The following DOCK4 variants were observed in gnomAD, a reference collection of about 807,000 sequenced individuals.
The protein encoded by DOCK4 is dedicator of cytokinesis 4.
DOCK4 carries 97 observed loss-of-function variants against 268.1 expected under a neutral mutation model. The observed-to-expected ratio is 0.36, with a 90% CI of 0.31 to 0.43. The LOEUF is 0.43. DOCK4 is among the 20% of genes least tolerant of loss of function. The pLI, the probability that DOCK4 is intolerant of heterozygous loss-of-function variation, is 1.00. For missense variants in DOCK4, 2,145 were observed against 2,455.7 expected, an observed-to-expected ratio of 0.87 and a Z score of 2.67; for synonymous variants, 954 against 887.2, an observed-to-expected ratio of 1.08 and a Z score of -1.34.
chr7:111,815,352 G>A (rs1801460869), intron 27 of DOCK4, among the ~76,000 whole-genome samples: 1 of 152,068 alleles, frequency 6.6e-6, no homozygotes, highest in Admixed American at 6.6e-5. Context: ...TAACACACAG[G>A]TCTCTAAGCT....
chr7:111,813,128 A>G (rs1250978695), intron 27 of DOCK4, among the ~76,000 whole-genome samples: 2 of 152,234 alleles, frequency 1.3e-5, no homozygotes, highest in Non-Finnish European at 2.9e-5. Context: ...CTGAGGATCA[A>G]TATATAAATT....
chr7:111,804,820 G>A (rs1431108272), intron 30 of DOCK4, among the ~76,000 whole-genome samples: 2 of 151,928 alleles, frequency 1.3e-5, no homozygotes, highest in East Asian at 1.9e-4. Flanking sequence ...GGCTGGTCTC[G>A]AACTCCTGAC....
chr7:111,859,631 G>C (rs1321086856), intron 23 of DOCK4, among the ~76,000 whole-genome samples: 1 of 146,076 alleles, frequency 6.8e-6, no homozygotes, highest in Non-Finnish European at 1.5e-5. Context: ...GCAGTGGCGG[G>C]ATCTCGGCTC....
chr7:111,921,961 G>C (rs17159007), intron 12 of DOCK4, among the ~76,000 whole-genome samples: 1 of 152,124 alleles, frequency 6.6e-6, no homozygotes, highest in African/African-American at 2.4e-5. Flanking sequence ...TTCTATAAAG[G>C]TTTCAAAGGC....
At position 111,790,438 on chromosome 7, in the gene DOCK4, G is replaced by A. The variant is rs1286116500; in HGVS notation, c.3315+19C>T. On this transcript the variant is annotated intron_variant, in intron 31 of 52. Coordinates refer to ENST00000428084, the MANE Select transcript of DOCK4 (RefSeq NM_001363540.2). The stretch of plus-strand genomic sequence containing the variant: ...GAGCTGAAACTCTTCCAACTCTTCT[G>A]AGGAGCACTTCTGCCTACCTGTTTA... 6.2e-7 allele frequency: 1 copy of A among 1,611,918 alleles called. No individual in the cohort carries two copies. The highest frequency in any genetic ancestry group is 1.1e-5 in the South Asian group (1 of 90,688).
chr7:112,129,759 T>C lies in DOCK4; in HGVS notation c.37+76343A>G, dbSNP rs989056910. Among the ~76,000 whole-genome samples, 6 of 152,142 alleles carry C rather than the reference T, an allele frequency of 3.9e-5. 1 individual carries two copies. The highest frequency in any genetic ancestry group is 7.2e-5 in the African/African-American group (3 of 41,404). On this transcript the variant is annotated intron_variant, in intron 1 of 52. Transcript: ENST00000428084. ...CAAGCAGCTTTTTAGCTCATTCATA[T>C]GTAGAAATCTATAAACAGCAGAGGA...
rs1277787957 is a variant in DOCK4, at chr7:112,106,404, A to G, written c.37+99698T>C. The stretch of plus-strand genomic sequence containing the variant: ...CCAGACCTTTCTGAACAATGCATAT[A>G]CACACAGAGGTGGGGTGCTAAGGAG... On this transcript the variant is annotated intron_variant, in intron 1 of 52. Transcript: ENST00000428084. 2.0e-5 allele frequency among the ~76,000 whole-genome samples: 3 copies of G among 152,326 alleles called. No individual in the cohort carries two copies. In the East Asian group the frequency reaches 5.8e-4, roughly 29 times the overall value.
intron 1 of DOCK4, among the ~76,000 whole-genome samples, chr7:112,024,192 G>A (rs541649489): frequency 6.6e-6 from 1 of 152,276 alleles, no homozygotes; most frequent in African/African-American, 2.4e-5. Flanking sequence ...CCTTAAAAAT[G>A]TAATGATTAT....
chr7:111,756,303 C>T (rs1156379877), intron 41 of DOCK4, among the ~76,000 whole-genome samples: 2 of 152,122 alleles, frequency 1.3e-5, no homozygotes, highest in African/African-American at 4.8e-5. Context: ...AAGCCGAGAT[C>T]GCCCCACTGC....
Position 111,728,583 on chromosome 7 carries a change from G to A in DOCK4, c.5619C>T (p.Gly1873=). 6.2e-7 allele frequency: 1 copy of A among 1,614,034 alleles called. No individual in the cohort carries two copies. Among genetic ancestry groups the A allele is most frequent in the Non-Finnish European group, 8.5e-7 (1 of 1,179,902 alleles). ...LSRCSTSETS[G]FENQVNEQSA... The stretch of plus-strand genomic sequence containing the variant: ...ACTGTTCATTCACCTGATTTTCAAA[G>A]CCTGAGGTTTCCGACGTGCTGCACC... The change falls in exon 53 of 53, where the codon GGC becomes GGT. Residue 1873 remains glycine, a synonymous_variant. Transcript: ENST00000428084.
chr7:111,749,802 G>A (rs975809060), intron 42 of DOCK4, among the ~76,000 whole-genome samples: 3 of 152,128 alleles, frequency 2.0e-5, no homozygotes, highest in Non-Finnish European at 4.4e-5. Flanking sequence ...CTATTATTTG[G>A]AAAGATTAAA....
At chr7:112,153,493 AC>A (rs987218422) in intron 1 of DOCK4, among the ~76,000 whole-genome samples, 2 of 152,204 alleles carry the variant, frequency 1.3e-5, no homozygotes, top group African/African-American at 4.8e-5. Flanking sequence ...TTAAAATTGG[AC>A]AAATATAATA....
chr7:112,064,210 C>G (rs1389905733), intron 1 of DOCK4, among the ~76,000 whole-genome samples: 1 of 152,164 alleles, frequency 6.6e-6, no homozygotes, highest in Non-Finnish European at 1.5e-5. Context: ...CAGCAGCTCT[C>G]TTGTCAGACT....
intron 1 of DOCK4, among the ~76,000 whole-genome samples, chr7:112,041,644 G>A (rs1243384731): frequency 2.0e-5 from 3 of 152,118 alleles, no homozygotes; most frequent in Non-Finnish European, 2.9e-5. Context: ...TCACCATGGG[G>A]GTAACACAGG....
chr7:111,785,419 CAAGTT>C (rs2133776119), intron 32 of DOCK4, among the ~76,000 whole-genome samples: 1 of 152,264 alleles, frequency 6.6e-6, no homozygotes, highest in Admixed American at 6.5e-5. Flanking sequence ...ACAAAGAACT[CAAGTT>C]AGGTAATAAT....
intron 1 of DOCK4, among the ~76,000 whole-genome samples, chr7:112,095,869 G>A (rs1484491681): frequency 6.6e-6 from 1 of 152,058 alleles, no homozygotes; most frequent in Non-Finnish European, 1.5e-5. Flanking sequence ...ATCTCCTGAG[G>A]TCCAGAGTTT....
chr7:111,779,490 C>T (rs561091981), intron 35 of DOCK4, among the ~76,000 whole-genome samples: 4 of 152,190 alleles, frequency 2.6e-5, no homozygotes, highest in East Asian at 1.9e-4. Flanking sequence ...CTCCGCCTTC[C>T]GAGTTCAAGT....
At chr7:112,067,718 G>A (rs1014863823) in intron 1 of DOCK4, among the ~76,000 whole-genome samples, 4 of 152,114 alleles carry the variant, frequency 2.6e-5, no homozygotes, top group Non-Finnish European at 4.4e-5. Context: ...AGTACCTGTG[G>A]GGAACAGGAA....
At chr7:111,865,014 C>A (rs945872318) in intron 22 of DOCK4, among the ~76,000 whole-genome samples, 1 of 152,180 alleles carries the variant, frequency 6.6e-6, no homozygotes, top group South Asian at 2.1e-4. Context: ...GGGAGGAAGA[C>A]GGCTGTGCCA....
Sources: allele counts gnomAD v4.1 joint callset (sites outside exome capture counted in the v4.1 genomes callset), GRCh38; gene constraint gnomAD v4.1.1; transcripts MANE v1.5; gene names NCBI Gene and HGNC (gene_info 2026-07-23, HGNC 2026-07-21).